The following SCFD1 variants were observed in gnomAD, a reference collection of about 807,000 sequenced individuals.
The protein encoded by SCFD1 is sec1 family domain containing 1.
A neutral mutation model predicts 103.2 loss-of-function variants in SCFD1; 37 were observed. The observed-to-expected ratio is 0.36, with a 90% CI of 0.28 to 0.47. The LOEUF (loss-of-function observed/expected upper bound fraction) is 0.47, where lower values mean the gene tolerates loss of function less well. Among genes scored for constraint, SCFD1 ranks in the 20% least tolerant of loss-of-function variants. The pLI is 1.00. For synonymous variants in SCFD1, 264 were observed against 245.0 expected (o/e 1.08, Z -0.73); for missense variants, 639 against 761.2 (o/e 0.84, Z 1.89).
At chr14:30,729,205 T>G (rs1247473500) in intron 23 of SCFD1, among the ~76,000 whole-genome samples, 1 of 152,188 alleles carries the variant, frequency 6.6e-6, no homozygotes, top group Non-Finnish European at 1.5e-5. Flanking sequence ...TTGTCTTTTC[T>G]CTTTTTGTGA....
At chr14:30,726,638 C>T (rs1245165376) in intron 23 of SCFD1, among the ~76,000 whole-genome samples, 1 of 152,244 alleles carries the variant, frequency 6.6e-6, no homozygotes, top group Non-Finnish European at 1.5e-5. Flanking sequence ...ATTTTCCTTG[C>T]ACTACCTTGG....
intron 10 of SCFD1, chr14:30,657,938 C>T: frequency 3.2e-6 from 1 of 309,278 alleles, no homozygotes; most frequent in Non-Finnish European, 6.5e-6. Context: ...GATGATTTTT[C>T]TCATTTTAAA....
chr14:30,713,950 T>C (rs951173196), intron 19 of SCFD1, among the ~76,000 whole-genome samples: 3 of 152,222 alleles, frequency 2.0e-5, no homozygotes, highest in African/African-American at 7.2e-5. Flanking sequence ...TTAAAATCTT[T>C]ATTTAAAGCA....
chr14:30,659,942 A>G (rs965082032), intron 10 of SCFD1, among the ~76,000 whole-genome samples: 1 of 152,222 alleles, frequency 6.6e-6, no homozygotes, highest in Non-Finnish European at 1.5e-5. Flanking sequence ...ACTCATGTTT[A>G]CATTGTTCAG....
chr14:30,678,009 T>C (rs1889177221), intron 14 of SCFD1, among the ~76,000 whole-genome samples: 1 of 151,746 alleles, frequency 6.6e-6, no homozygotes, highest in Non-Finnish European at 1.5e-5. Flanking sequence ...CCAGCTAATT[T>C]ATGTATTTTT....
intron 23 of SCFD1, chr14:30,722,766 C>A: frequency 2.9e-6 from 1 of 347,332 alleles, no homozygotes. Context: ...ATCTAGAAAA[C>A]AATGTATCTT....
chr14:30,717,990 T>A (rs1344550026), intron 20 of SCFD1, among the ~76,000 whole-genome samples: 1 of 152,106 alleles, frequency 6.6e-6, no homozygotes, highest in Non-Finnish European at 1.5e-5. Context: ...ATTTTATAGG[T>A]GAGGACACTG....
chr14:30,649,707 A>G (rs976589554), intron 8 of SCFD1, 124 bp downstream of exon 8: 1 of 675,028 alleles, frequency 1.5e-6, no homozygotes, highest in South Asian at 1.9e-5. Context: ...CCAATAGCAA[A>G]TATTTTTATT....
At chr14:30,712,789 T>G (rs1332369042) in intron 19 of SCFD1, among the ~76,000 whole-genome samples, 1 of 152,190 alleles carries the variant, frequency 6.6e-6, no homozygotes, top group Non-Finnish European at 1.5e-5. Flanking sequence ...TAATAAAAAT[T>G]TAGTTGCTAA....
In SCFD1 at chr14:30,674,900, A is replaced by C. The variant is rs996553191; in HGVS notation, c.1161-84A>C. 5.8e-6 allele frequency: 4 copies of C among 692,944 alleles called. No homozygotes were observed. In the African/African-American group the frequency reaches 7.4e-5, roughly 13 times the overall value. 42.9% of individuals were successfully genotyped at this position (692,944 alleles called of 1,614,324 possible). On this transcript the variant is annotated intron_variant, in intron 13 of 24. Coordinates refer to ENST00000458591, the MANE Select transcript of SCFD1 (RefSeq NM_016106.4). Reference sequence around the variant, plus strand: ...TACTGTTTCACTGTTCTGAGTTTCCACAGGGGAAACACCAGGCATGAGATA... The same window carrying C: ...TACTGTTTCACTGTTCTGAGTTTCCCCAGGGGAAACACCAGGCATGAGATA...
intron 23 of SCFD1, among the ~76,000 whole-genome samples, chr14:30,724,409 C>A (rs1892897705): frequency 6.6e-6 from 1 of 151,838 alleles, no homozygotes; most frequent in Non-Finnish European, 1.5e-5. Context: ...CACCCTTCCA[C>A]AACCAGCTAA....
chr14:30,637,757 A>G (rs992183292), intron 4 of SCFD1, among the ~76,000 whole-genome samples: 23 of 152,168 alleles, frequency 1.5e-4, no homozygotes, highest in Non-Finnish European at 2.8e-4. Context: ...TTGTTGTGTC[A>G]TCACATGTCC....
At chr14:30,699,606 T>G (rs1890936106) in intron 15 of SCFD1, among the ~76,000 whole-genome samples, 1 of 152,208 alleles carries the variant, frequency 6.6e-6, no homozygotes, top group African/African-American at 2.4e-5. Flanking sequence ...AACAATTTTT[T>G]TAATAAAAAT....
At chr14:30,694,056 A>C (rs1202825035) in intron 14 of SCFD1, among the ~76,000 whole-genome samples, 1 of 152,186 alleles carries the variant, frequency 6.6e-6, no homozygotes, top group African/African-American at 2.4e-5. Context: ...ATAAGGAAAA[A>C]GTTTTTTTAA....
At chr14:30,681,952 C>G (rs1246157949) in intron 14 of SCFD1, among the ~76,000 whole-genome samples, 1 of 152,158 alleles carries the variant, frequency 6.6e-6, no homozygotes, top group Non-Finnish European at 1.5e-5. Context: ...CTATCGCCCT[C>G]TAATGGTTCC....
rs934875190 is a variant in SCFD1 at position 30,627,714 on chromosome 14, G to A, written c.62-495G>A. On this transcript the variant is annotated intron_variant, in intron 1 of 24. Coordinates refer to ENST00000458591, the MANE Select transcript of SCFD1 (RefSeq NM_016106.4). The stretch of plus-strand genomic sequence containing the variant: ...GCCGAGATCACGCCATTGCACTCCA[G>A]CCTGGGCAACAAGAGCGAAACTCTG... Among the ~76,000 whole-genome samples, 3 of 137,196 alleles carry A rather than the reference G, an allele frequency of 2.2e-5. No individual in the cohort carries two copies. In the Admixed American group the frequency reaches 2.4e-4, roughly 11 times the overall value. 90.0% of individuals were successfully genotyped at this position (137,196 alleles called of 152,430 possible).
At chr14:30,629,819 G>A (rs10137761) in intron 2 of SCFD1, among the ~76,000 whole-genome samples, 9 of 151,970 alleles carry the variant, frequency 5.9e-5, no homozygotes, top group Admixed American at 2.0e-4. Context: ...CTAGTGATCC[G>A]CCCACCTCGG....
At chr14:30,721,987 CTG>C in intron 22 of SCFD1, 70 bp downstream of exon 22, 1 of 1,088,542 alleles carries the variant, frequency 9.2e-7, no homozygotes, top group Non-Finnish European at 1.4e-6. Flanking sequence ...TGAAGACTGT[CTG>C]TACCAAACAT....
chr14:30,705,566 G>T (rs756856816), intron 17 of SCFD1, among the ~76,000 whole-genome samples: 1 of 152,124 alleles, frequency 6.6e-6, no homozygotes, highest in South Asian at 2.1e-4. Context: ...AGCCTGGGAG[G>T]TCAAGGCTGC....
Sources: gnomAD v4.1 joint callset for allele counts (sites outside exome capture counted in the v4.1 genomes callset) on GRCh38, gnomAD v4.1.1 for gene constraint, MANE v1.5 for transcripts, NCBI Gene and HGNC (gene_info 2026-07-23, HGNC 2026-07-21) for gene names.